Variants in MGRN1 observed in about 807,000 individuals in gnomAD.
The protein encoded by MGRN1 is mahogunin ring finger 1.
Under a neutral mutation model 69.2 loss-of-function variants are expected in MGRN1, and 29 were observed. That is an observed-to-expected ratio of 0.42 (90% CI 0.31 to 0.57). The LOEUF (loss-of-function observed/expected upper bound fraction) is 0.57. MGRN1 is among the 20% of genes least tolerant of loss of function. MGRN1 has a pLI of 0.15. For missense variants in MGRN1, 998 were observed against 796.2 expected (o/e 1.25, Z -3.05); for synonymous variants, 470 against 344.2 (o/e 1.37, Z -4.04).
At chr16:4,651,345 C>T (rs879464945) in intron 2 of MGRN1, among the ~76,000 whole-genome samples, 6 of 152,098 alleles carry the variant, frequency 3.9e-5, no homozygotes, top group Non-Finnish European at 7.3e-5. Context: ...GCCTCTGCTA[C>T]CTGGTGGGGG....
chr16:4,661,270 C>G (rs116525567), intron 5 of MGRN1, among the ~76,000 whole-genome samples: 4 of 152,300 alleles, frequency 2.6e-5, no homozygotes, highest in African/African-American at 7.2e-5. Flanking sequence ...TGAGCCACCA[C>G]GTCAGGCCCA....
At chr16:4,685,262 G>T (rs1296995066) in intron 16 of MGRN1, among the ~76,000 whole-genome samples, 1 of 152,260 alleles carries the variant, frequency 6.6e-6, no homozygotes, top group Non-Finnish European at 1.5e-5. Flanking sequence ...CCACGAACAT[G>T]ATATCTGATC....
At chr16:4,648,453 A>C (rs112523614) in intron 1 of MGRN1, among the ~76,000 whole-genome samples, 4 of 57,778 alleles carry the variant, frequency 6.9e-5, no homozygotes, top group African/African-American at 2.2e-4. Flanking sequence ...CCTCTCGGGG[A>C]CTCTTCCCGT....
At chr16:4,674,621 C>CTTTTTTTTTTT (rs2079014394) in intron 10 of MGRN1, among the ~76,000 whole-genome samples, 2 of 59,790 alleles carry the variant, frequency 3.3e-5, no homozygotes, top group African/African-American at 1.3e-4. Context: ...CTTTTCTTTT[C>CTTTTTTTTTTT]TTTTCTTTTT....
At chr16:4,674,601 C>CTTTTTTTTTT (rs765816998) in intron 10 of MGRN1, among the ~76,000 whole-genome samples, 1 of 64,860 alleles carries the variant, frequency 1.5e-5, no homozygotes, top group African/African-American at 6.0e-5. Flanking sequence ...CTTTTCTTTT[C>CTTTTTTTTTT]TTTTTTTTTC....
Position 4,624,900 on chromosome 16 carries a change from CCCG to C in MGRN1, c.-56_-54del. 7.0e-7 allele frequency: 1 copy of C among 1,427,362 alleles called. No individual in the cohort carries two copies. Among genetic ancestry groups the C allele is most frequent in the South Asian group, 1.3e-5 (1 of 76,342 alleles). The allele number at this position is 1,427,362 out of a possible 1,614,324, so 88.4% of individuals were successfully genotyped here. On this transcript the variant is annotated 5_prime_UTR_variant, in exon 1 of 17. Transcript: ENST00000262370. Reference sequence around the variant, plus strand: ...GTCCGGGCCATGTCCGCGTGAGGACCCCGCCGCTGTCGCCGCTCCCGTTCCGGC... The same window carrying C: ...GTCCGGGCCATGTCCGCGTGAGGACCCCGCTGTCGCCGCTCCCGTTCCGGC...
At chr16:4,645,120 C>T (rs865844292) in intron 1 of MGRN1, among the ~76,000 whole-genome samples, 1 of 119,806 alleles carries the variant, frequency 8.3e-6, no homozygotes, top group African/African-American at 3.2e-5. Flanking sequence ...TATGCGTGTG[C>T]ATATATATAT....
intron 1 of MGRN1, among the ~76,000 whole-genome samples, chr16:4,635,801 A>AT (rs34343082): frequency 0.18 from 22,618 of 125,654 alleles, 2,439 homozygotes; most frequent in Middle Eastern, 0.29. Context: ...CGCCCAGCTA[A>AT]TTTTTTTTTT....
chr16:4,688,552 T>G, intron 16 of MGRN1: 1 of 1,269,704 alleles, frequency 7.9e-7, no homozygotes, highest in East Asian at 3.1e-5. Flanking sequence ...GGGCTGCAGA[T>G]CTGCTGTGGG....
intron 1 of MGRN1, chr16:4,634,024 C>T (rs1898150692): frequency 6.6e-6 from 1 of 152,246 alleles, no homozygotes; most frequent in Non-Finnish European, 1.5e-5. Context: ...GCAATCCTAA[C>T]AGGCTGTGAA....
At chr16:4,637,097 C>A (rs1314223034) in intron 1 of MGRN1, among the ~76,000 whole-genome samples, 2 of 130,564 alleles carry the variant, frequency 1.5e-5, no homozygotes, top group East Asian at 2.1e-4. Context: ...CCAGCCCGGG[C>A]GACAGAGCAA....
chr16:4,660,773 G>A (rs955883122), intron 5 of MGRN1, among the ~76,000 whole-genome samples: 4 of 126,438 alleles, frequency 3.2e-5, no homozygotes, highest in African/African-American at 1.0e-4. Flanking sequence ...ACTCCTGTGT[G>A]GACTCAGTGG....
chr16:4,665,704 C>G (rs145174303), intron 7 of MGRN1, among the ~76,000 whole-genome samples: 2,162 of 148,800 alleles, frequency 0.015, 31 homozygotes, highest in Non-Finnish European at 0.023. Flanking sequence ...GAGTCTCACC[C>G]TGTCATCCAG....
chr16:4,637,110 C>T lies in MGRN1; in HGVS notation c.88+12062C>T, dbSNP rs1357013661. Among the ~76,000 whole-genome samples, 6 of 114,132 alleles carry T rather than the reference C, an allele frequency of 5.3e-5. 1 individual carries two copies. The highest frequency in any genetic ancestry group is 8.7e-5 in the Non-Finnish European group (5 of 57,456). 74.9% of individuals were successfully genotyped at this position (114,132 alleles called of 152,430 possible). A position where few individuals can be genotyped will look rare whatever the true frequency, so the allele number is the denominator to read the frequency against. On this transcript the variant is annotated intron_variant, in intron 1 of 16. Coordinates refer to ENST00000262370, the MANE Select transcript of MGRN1 (RefSeq NM_015246.4). Reference sequence around the variant, plus strand: ...CGCCAGCCCGGGCGACAGAGCAAGACTCCATCTCAAAAAAAAAAAAAAAAA... The same window carrying T: ...CGCCAGCCCGGGCGACAGAGCAAGATTCCATCTCAAAAAAAAAAAAAAAAA...
chr16:4,669,839 T>C (rs892048612), intron 8 of MGRN1, among the ~76,000 whole-genome samples: 4 of 152,080 alleles, frequency 2.6e-5, no homozygotes, highest in Non-Finnish European at 4.4e-5. Flanking sequence ...GGATGCTGCA[T>C]TGGGAAGTGT....
chr16:4,662,732 G>T (rs2078710660), intron 5 of MGRN1, among the ~76,000 whole-genome samples: 1 of 152,240 alleles, frequency 6.6e-6, no homozygotes, highest in African/African-American at 2.4e-5. Context: ...CTGGGGTGGG[G>T]ACGTGTGCCC....
chr16:4,657,394 C>T lies in MGRN1; in HGVS notation c.561+31C>T, dbSNP rs762693210. The T allele has an allele frequency of 3.3e-5, 53 of 1,590,248 alleles. No individual in the cohort carries two copies. The African/African-American group carries it at 3.8e-4, about 11-fold the overall frequency. On this transcript the variant is annotated intron_variant, in intron 5 of 16. Transcript: ENST00000262370. Reference sequence around the variant, plus strand: ...GCTGGCTGGGCGGCTCCTTGCCCTTCGCTCCTCCTGAATTCTCTCCCCTTG... The same window carrying T: ...GCTGGCTGGGCGGCTCCTTGCCCTTTGCTCCTCCTGAATTCTCTCCCCTTG...
At chr16:4,664,542 G>T in intron 5 of MGRN1, 167 bp from the exon 6 acceptor site, 1 of 657,378 alleles carries the variant, frequency 1.5e-6, no homozygotes, top group South Asian at 1.9e-5. Flanking sequence ...ACATAAAAAA[G>T]GTGCCAAGCC....
intron 1 of MGRN1, among the ~76,000 whole-genome samples, chr16:4,642,691 G>C (rs13336572): frequency 6.6e-6 from 1 of 151,334 alleles, no homozygotes; most frequent in Non-Finnish European, 1.5e-5. Flanking sequence ...AACTCCTGAC[G>C]GCAGACCTCA....
Sources: gnomAD v4.1 joint callset for allele counts (sites outside exome capture counted in the v4.1 genomes callset) on GRCh38, gnomAD v4.1.1 for gene constraint, MANE v1.5 for transcripts, NCBI Gene and HGNC (gene_info 2026-07-23, HGNC 2026-07-21) for gene names.